Variants in FBXL5 observed in about 807,000 individuals in gnomAD.
The protein encoded by FBXL5 is F-box and leucine rich repeat protein 5, also known as F-box/LRR-repeat protein 5.
Under a neutral mutation model 78.3 loss-of-function variants are expected in FBXL5, and 26 were observed. The ratio of observed to expected loss-of-function variants is 0.33; its 90% CI spans 0.24 to 0.46. The LOEUF (loss-of-function observed/expected upper bound fraction) is 0.46. Among genes scored for constraint, FBXL5 ranks in the 20% least tolerant of loss-of-function variants. FBXL5 has a pLI of 1.00. For synonymous variants in FBXL5, 295 were observed against 282.5 expected (o/e 1.04, Z -0.45); for missense variants, 710 against 829.2 (o/e 0.86, Z 1.77).
At chr4:15,643,220 A>G (rs1560233194) in intron 2 of FBXL5, among the ~76,000 whole-genome samples, 1 of 152,344 alleles carries the variant, frequency 6.6e-6, no homozygotes, top group Middle Eastern at 3.4e-3. Flanking sequence ...AACTATTAGA[A>G]TAATTTTTTA....
chr4:15,611,858 G>C (rs1278125577), intron 10 of FBXL5, among the ~76,000 whole-genome samples: 1 of 152,010 alleles, frequency 6.6e-6, no homozygotes, highest in Non-Finnish European at 1.5e-5. Context: ...ATTTGATAAA[G>C]CTGTCTTACA....
chr4:15,615,772 G>A (rs377641887), intron 9 of FBXL5, among the ~76,000 whole-genome samples: 19 of 151,992 alleles, frequency 1.3e-4, no homozygotes, highest in Middle Eastern at 3.4e-3. Flanking sequence ...ACCAATCAGC[G>A]CCCTGACAAA....
intron 5 of FBXL5, among the ~76,000 whole-genome samples, chr4:15,635,499 A>G (rs1330792669): frequency 6.6e-6 from 1 of 152,046 alleles, no homozygotes; most frequent in Non-Finnish European, 1.5e-5. Flanking sequence ...CACATCTGCA[A>G]TTACAGCACT....
Position 15,640,901 on chromosome 4 carries a change from A to T in FBXL5, c.301-18T>A, listed in dbSNP as rs765824187. The T allele has an allele frequency of 2.3e-6, 3 of 1,317,540 alleles. No homozygotes were observed. The highest frequency in any genetic ancestry group is 3.5e-5 in the African/African-American group (2 of 57,644). The allele number at this position is 1,317,540 out of a possible 1,614,324, so 81.6% of individuals were successfully genotyped here. On this transcript the variant is annotated intron_variant, in intron 2 of 10. Transcript: ENST00000341285. ...TATTCATTCTGGAAACCAAAAAAAAAATACATTTTTATAAAAGTTTCGCTT... is the reference window on the plus strand; with the variant it reads ...TATTCATTCTGGAAACCAAAAAAAATATACATTTTTATAAAAGTTTCGCTT...
intron 1 of FBXL5, among the ~76,000 whole-genome samples, chr4:15,676,692 C>T (rs769584777): frequency 3.4e-5 from 5 of 148,306 alleles, no homozygotes; most frequent in African/African-American, 5.0e-5. Context: ...ATGAGTATTA[C>T]GGGGGGGAGG....
Position 15,655,242 on chromosome 4 carries a change from A to G in FBXL5, c.46T>C (p.Trp16Arg). 1.4e-6 allele frequency: 2 copies of G among 1,440,300 alleles called. No homozygotes were observed. The highest frequency in any genetic ancestry group is 2.2e-5 in the Admixed American group (1 of 45,636). 89.2% of individuals were successfully genotyped at this position (1,440,300 alleles called of 1,614,324 possible). A position where few individuals can be genotyped will look rare whatever the true frequency, so the allele number is the denominator to read the frequency against. ...EEVDVFTAPH[W>R]RMKQLVGLYC... ...AGCCCCACCAGCTGCTTCATCCGCC[A>G]GTGTGGGGCGGTGAAGACGTCCACT... The change falls in exon 1 of 11, where the codon TGG becomes CGG. Residue 16 changes from tryptophan to arginine, a missense_variant. Physicochemically the swap from Trp to Arg is moderately radical, Grantham distance 101. Around this residue, in one of 4 missense-constraint regions of FBXL5, gnomAD observed 132 missense variants for 156.9 expected, o/e 0.84. Coordinates refer to ENST00000341285, the MANE Select transcript of FBXL5 (RefSeq NM_012161.4).
chr4:15,617,724 G>A lies in FBXL5; in HGVS notation c.1851-5310C>T, dbSNP rs370545575. 9.9e-5 allele frequency among the ~76,000 whole-genome samples: 15 copies of A among 152,124 alleles called. No homozygotes were observed. In the South Asian group the frequency reaches 1.9e-3, roughly 19 times the overall value. ...ACACAGGAACAGAAAACCAAATACC[G>A]CATGTTCTCACTTATAAGTGGCAGC... On this transcript the variant is annotated intron_variant, in intron 9 of 10. Coordinates refer to ENST00000341285, the MANE Select transcript of FBXL5 (RefSeq NM_012161.4).
rs143003846 is a variant in FBXL5 at position 15,652,530 on chromosome 4, A to T, written c.84+2674T>A. On this transcript the variant is annotated intron_variant, in intron 1 of 10. Transcript: ENST00000341285. ...AAAGAAATCCATGGGCAAAGTATTA[A>T]ATCGGGTATTGTACAGCAATATTTA... 2.9e-3 allele frequency among the ~76,000 whole-genome samples: 441 copies of T among 152,342 alleles called. 6 individuals are homozygous for T. Among genetic ancestry groups the T allele is most frequent in the African/African-American group, 0.01 (428 of 41,582 alleles).
Position 15,651,090 on chromosome 4 carries a change from C to G in FBXL5, c.84+4114G>C, listed in dbSNP as rs560506692. 2.6e-5 allele frequency among the ~76,000 whole-genome samples: 4 copies of G among 152,234 alleles called. No individual in the cohort carries two copies. In the South Asian group the frequency reaches 8.3e-4, roughly 32 times the overall value. ...AACAAAAACACATATATTATTCCCC[C>G]AAATACATTTTTACTTTGTCTACTC... On this transcript the variant is annotated intron_variant, in intron 1 of 10. Coordinates refer to ENST00000341285, the MANE Select transcript of FBXL5 (RefSeq NM_012161.4).
At chr4:15,670,184 T>C (rs1264057076) in intron 1 of FBXL5, among the ~76,000 whole-genome samples, 3 of 152,222 alleles carry the variant, frequency 2.0e-5, no homozygotes, top group Non-Finnish European at 4.4e-5. Flanking sequence ...ATAGGCACTT[T>C]GGTTGTTTCT....
intron 1 of FBXL5, among the ~76,000 whole-genome samples, chr4:15,665,856 G>T (rs1717518142): frequency 1.3e-5 from 2 of 152,110 alleles, no homozygotes; most frequent in Admixed American, 1.3e-4. Context: ...GATGATTAGT[G>T]TACCTGCACC....
At chr4:15,641,378 C>G (rs202234789) in intron 2 of FBXL5, 3 of 344,756 alleles carry the variant, frequency 8.7e-6, no homozygotes, top group East Asian at 1.6e-4. Flanking sequence ...CAAGACCAAC[C>G]CCACCTCTTC....
Position 15,626,941 on chromosome 4 carries a change from T to C in FBXL5, c.1056A>G (p.Leu352=), listed in dbSNP as rs1339086338. ...AVSSKMVRQI[L]ELCPNLEHLD... ...GATGCTCCAGGTTAGGACAAAGCTCTAAAATCTGCCTAACCTAAAAGGCAA... is the reference window on the plus strand; with the variant it reads ...GATGCTCCAGGTTAGGACAAAGCTCCAAAATCTGCCTAACCTAAAAGGCAA... Residue 352 remains leucine (L), a synonymous_variant, in exon 8 of 11, where the codon TTA becomes TTG. Coordinates refer to ENST00000341285, the MANE Select transcript of FBXL5 (RefSeq NM_012161.4). 16 of 1,609,716 alleles carry C rather than the reference T, an allele frequency of 9.9e-6. No homozygotes were observed. Among genetic ancestry groups the C allele is most frequent in the African/African-American group, 1.3e-5 (1 of 74,816 alleles).
chr4:15,617,128 G>C (rs895221890), intron 9 of FBXL5, among the ~76,000 whole-genome samples: 1 of 152,056 alleles, frequency 6.6e-6, no homozygotes, highest in Admixed American at 6.5e-5. Flanking sequence ...TATAACCAAA[G>C]GACTATAAAT....
chr4:15,612,886 C>T (rs1240940785), intron 9 of FBXL5, among the ~76,000 whole-genome samples: 1 of 152,110 alleles, frequency 6.6e-6, no homozygotes, highest in South Asian at 2.1e-4. Flanking sequence ...CATGTTTACA[C>T]AAAAACTTGC....
intron 9 of FBXL5, among the ~76,000 whole-genome samples, chr4:15,613,517 T>C (rs1308822309): frequency 1.3e-5 from 2 of 152,106 alleles, no homozygotes; most frequent in South Asian, 2.1e-4. Context: ...TCAAATAATA[T>C]GTTTTCCAAA....
chr4:15,638,230 G>A (rs565435056), intron 4 of FBXL5, among the ~76,000 whole-genome samples: 2 of 152,280 alleles, frequency 1.3e-5, no homozygotes, highest in East Asian at 3.9e-4. Flanking sequence ...CTCTGTACTG[G>A]TGGTTTTCAA....
At chr4:15,627,341 G>T (rs1301475114) in intron 7 of FBXL5, among the ~76,000 whole-genome samples, 1 of 151,918 alleles carries the variant, frequency 6.6e-6, no homozygotes, top group Non-Finnish European at 1.5e-5. Context: ...CACCATATTG[G>T]CCAGGCTGGT....
chr4:15,662,272 C>T (rs996366648), upstream of FBXL5, among the ~76,000 whole-genome samples: 2 of 150,326 alleles, frequency 1.3e-5, no homozygotes, highest in South Asian at 2.1e-4. Context: ...AGGCTCCTTC[C>T]ACGGCTCTAC....
Sources: allele counts gnomAD v4.1 joint callset (sites outside exome capture counted in the v4.1 genomes callset), GRCh38; gene constraint gnomAD v4.1.1; regional missense constraint gnomAD v4.1.1; transcripts MANE v1.5; gene names NCBI Gene and HGNC (gene_info 2026-07-23, HGNC 2026-07-21).